The following CHCHD3 variants were observed in gnomAD, a reference collection of about 807,000 sequenced individuals.
CHCHD3 encodes MICOS complex subunit MIC19.
In CHCHD3, 20 loss-of-function variants were observed where a neutral mutation model predicts 38.2. The observed-to-expected ratio is 0.52, with a 90% CI of 0.37 to 0.76. CHCHD3 has a LOEUF of 0.76. CHCHD3 is among the 30% of genes least tolerant of loss of function. The probability of loss-of-function intolerance (pLI) is 0.00; values close to 1 mark genes in which losing one functional copy is unlikely to be tolerated. For synonymous variants in CHCHD3, 82 were observed against 100.0 expected (o/e 0.82, Z 1.07); for missense variants, 245 against 279.2 (o/e 0.88, Z 0.87).
chr7:133,002,671 C>T (rs1184244595), intron 3 of CHCHD3, among the ~76,000 whole-genome samples: 1 of 151,450 alleles, frequency 6.6e-6, no homozygotes, highest in Non-Finnish European at 1.5e-5. Flanking sequence ...TTTTAGCTTC[C>T]CTTAATAGAA....
In CHCHD3 at chr7:132,840,517, A is replaced by G. The variant is rs190171639; in HGVS notation, c.454-2048T>C. 2.7e-3 allele frequency among the ~76,000 whole-genome samples: 417 copies of G among 152,302 alleles called. 1 individual carries two copies. Among genetic ancestry groups the G allele is most frequent in the African/African-American group, 9.5e-3 (393 of 41,572 alleles). ...TTTCTGGTTCTGTTCTGTGACCTTG[A>G]GCAGGTCTTTAATCTCCCCCAGCTT... On this transcript the variant is annotated intron_variant, in intron 5 of 7. Transcript: ENST00000262570.
At chr7:132,977,222 T>C (rs1319810232) in intron 3 of CHCHD3, among the ~76,000 whole-genome samples, 1 of 152,204 alleles carries the variant, frequency 6.6e-6, no homozygotes, top group Admixed American at 6.5e-5. Flanking sequence ...CCAGCTGCAG[T>C]AGCATCAGCT....
intron 4 of CHCHD3, among the ~76,000 whole-genome samples, chr7:132,949,618 A>G (rs1396792598): frequency 6.6e-6 from 1 of 152,196 alleles, no homozygotes; most frequent in African/African-American, 2.4e-5. Flanking sequence ...ATAATTTTTA[A>G]AAGTAACACA....
In CHCHD3 at chr7:133,019,716, G is replaced by GA. The variant is rs781145611; in HGVS notation, c.251+4829dup. Among the ~76,000 whole-genome samples the GA allele has an allele frequency of 2.7e-4, 40 of 150,730 alleles. No homozygotes were observed. In the South Asian group the frequency reaches 4.4e-3, roughly 17 times the overall value. ...CCATTCCCTTTCTTCTTGGTTTCTT[G>GA]AAAAAAAAATGTTATTATAAGTGAA... On this transcript the variant is annotated intron_variant, in intron 3 of 7. Coordinates refer to ENST00000262570, the MANE Select transcript of CHCHD3 (RefSeq NM_017812.4).
intron 4 of CHCHD3, among the ~76,000 whole-genome samples, chr7:132,916,336 T>C (rs937948420): frequency 1.3e-5 from 2 of 152,178 alleles, no homozygotes; most frequent in African/African-American, 4.8e-5. Flanking sequence ...TGAAATCTTA[T>C]TGAGAAGCCT....
intron 3 of CHCHD3, among the ~76,000 whole-genome samples, chr7:133,008,415 A>G (rs1232625196): frequency 6.6e-6 from 1 of 151,076 alleles, no homozygotes; most frequent in Non-Finnish European, 1.5e-5. Flanking sequence ...TTCTACACAC[A>G]TGCAGAAAAG....
At chr7:132,997,971 G>A (rs1812470649) in intron 3 of CHCHD3, among the ~76,000 whole-genome samples, 1 of 152,096 alleles carries the variant, frequency 6.6e-6, no homozygotes, top group Non-Finnish European at 1.5e-5. Flanking sequence ...ATACTGTCAA[G>A]GAAGAAAAAT....
intron 2 of CHCHD3, among the ~76,000 whole-genome samples, chr7:133,028,737 T>C (rs1813416437): frequency 6.6e-6 from 1 of 151,886 alleles, no homozygotes; most frequent in African/African-American, 2.4e-5. Flanking sequence ...ATACAAAAAT[T>C]AGCCAGACAT....
At chr7:132,963,694 T>TACACACACACACACACACACACAC (rs71178068) in intron 4 of CHCHD3, among the ~76,000 whole-genome samples, 10 of 148,906 alleles carry the variant, frequency 6.7e-5, no homozygotes, top group African/African-American at 2.5e-4. Flanking sequence ...CAAACGATTA[T>TACACACACACACACACACACACAC]ACACACACAC....
intron 2 of CHCHD3, among the ~76,000 whole-genome samples, chr7:133,044,194 C>G (rs1263082129): frequency 6.6e-6 from 1 of 152,200 alleles, no homozygotes; most frequent in Non-Finnish European, 1.5e-5. Flanking sequence ...TGCCTGATCT[C>G]TACTAACAAT....
intron 6 of CHCHD3, among the ~76,000 whole-genome samples, chr7:132,809,608 A>C (rs1807014700): frequency 6.6e-6 from 1 of 152,146 alleles, no homozygotes; most frequent in African/African-American, 2.4e-5. Context: ...GTTGCAAGAA[A>C]GAGTACCCAC....
chr7:132,959,243 C>G (rs1289599534), intron 4 of CHCHD3, among the ~76,000 whole-genome samples: 2 of 152,202 alleles, frequency 1.3e-5, no homozygotes, highest in African/African-American at 4.8e-5. Context: ...AAACTTTCAC[C>G]TGCAAAGTAT....
intron 5 of CHCHD3, among the ~76,000 whole-genome samples, chr7:132,870,418 C>T (rs1944947875): frequency 6.6e-6 from 1 of 151,770 alleles, no homozygotes; most frequent in Non-Finnish European, 1.5e-5. Context: ...GATTCAATCC[C>T]TCTACTCTAT....
intron 6 of CHCHD3, among the ~76,000 whole-genome samples, chr7:132,801,420 T>C (rs1182198942): frequency 6.6e-6 from 1 of 152,242 alleles, no homozygotes. Flanking sequence ...CAGAAGTCCC[T>C]CTCTAAAGTG....
Position 132,987,829 on chromosome 7 carries a change from T to G in CHCHD3, c.252-12543A>C, listed in dbSNP as rs571998890. On this transcript the variant is annotated intron_variant, in intron 3 of 7. Transcript: ENST00000262570. ...AATATGTCTGCCTGTCCTTTCATCT[T>G]TTCTGCCTCTACCACCAGAGACAGC... Among the ~76,000 whole-genome samples, 133 of 152,278 alleles carry G rather than the reference T, an allele frequency of 8.7e-4. No individual in the cohort carries two copies. In the Middle Eastern group the frequency reaches 0.027, roughly 31 times the overall value.
Position 133,011,939 on chromosome 7 carries a change from A to G in CHCHD3, c.251+12607T>C, listed in dbSNP as rs142101494. ...ACATTTATTGAATGGTTGATTGATT[A>G]ATTGAGACAGAGTATTGCTCTGCCA... On this transcript the variant is annotated intron_variant, in intron 3 of 7. Transcript: ENST00000262570. 4.5e-3 allele frequency among the ~76,000 whole-genome samples: 684 copies of G among 152,330 alleles called. 2 individuals are homozygous for G. Among genetic ancestry groups the G allele is most frequent in the Non-Finnish European group, 7.9e-3 (535 of 68,030 alleles).
intron 4 of CHCHD3, among the ~76,000 whole-genome samples, chr7:132,971,489 A>T (rs1167564292): frequency 6.6e-6 from 1 of 152,216 alleles, no homozygotes; most frequent in Non-Finnish European, 1.5e-5. Flanking sequence ...CTTCAACAAC[A>T]GGGCCATCAT....
At chr7:132,988,300 C>CA (rs1491527438) in intron 3 of CHCHD3, among the ~76,000 whole-genome samples, 27 of 136,100 alleles carry the variant, frequency 2.0e-4, no homozygotes, top group Non-Finnish European at 3.1e-4. Flanking sequence ...CACACACACA[C>CA]CCACACACAC....
chr7:132,861,055 T>C (rs1170107881), intron 5 of CHCHD3, among the ~76,000 whole-genome samples: 1 of 152,194 alleles, frequency 6.6e-6, no homozygotes, highest in African/African-American at 2.4e-5. Flanking sequence ...GCTTGGTTTA[T>C]GGTGGTAATA....
Sources: gnomAD v4.1 joint callset for allele counts (sites outside exome capture counted in the v4.1 genomes callset) on GRCh38, gnomAD v4.1.1 for gene constraint, MANE v1.5 for transcripts, NCBI Gene and HGNC (gene_info 2026-07-23, HGNC 2026-07-21) for gene names.